Variants in HRH1 observed in about 807,000 individuals in gnomAD.
HRH1 encodes the protein histamine H1 receptor.
A neutral mutation model predicts 10.3 loss-of-function variants in HRH1; 6 were observed. The ratio of observed to expected loss-of-function variants is 0.58; its 90% confidence interval spans 0.32 to 1.15. The LOEUF (loss-of-function observed/expected upper bound fraction) is 1.15. Ranked by LOEUF, HRH1 falls within the 50% of genes most tolerant of loss-of-function variation. HRH1 has a pLI of 0.05. For synonymous variants in HRH1, 242 were observed against 236.7 expected (o/e 1.02, Z -0.21); for missense variants, 514 against 615.3 (o/e 0.84, Z 1.74).
upstream of HRH1, among the ~76,000 whole-genome samples, chr3:11,152,667 A>G (rs1410429736): frequency 3.0e-5 from 3 of 100,288 alleles, no homozygotes; most frequent in African/African-American, 1.1e-4. Context: ...CTTAAGCCCC[A>G]CAGCTATAGA....
chr3:11,238,697 C>A (rs2133432), intron 1 of HRH1, among the ~76,000 whole-genome samples: 2,583 of 152,290 alleles, frequency 0.017, 35 homozygotes, highest in Middle Eastern at 0.051. Flanking sequence ...CCTGTCCCCC[C>A]CTCCACTACC....
intron 1 of HRH1, among the ~76,000 whole-genome samples, chr3:11,173,234 G>T (rs1038915803): frequency 1.3e-5 from 2 of 152,082 alleles, no homozygotes; most frequent in Non-Finnish European, 2.9e-5. Flanking sequence ...TTTTTCTTGG[G>T]TTGATTCATT....
intron 1 of HRH1, chr3:11,234,570 G>C: frequency 6.9e-7 from 1 of 1,443,774 alleles, no homozygotes; most frequent in Non-Finnish European, 9.8e-7. Flanking sequence ...CATGCTCCTC[G>C]TATGGATCGT....
intron 1 of HRH1, among the ~76,000 whole-genome samples, chr3:11,167,829 GC>G (rs1429149733): frequency 6.6e-6 from 1 of 152,234 alleles, no homozygotes; most frequent in African/African-American, 2.4e-5. Context: ...GAGGCTTGGG[GC>G]CTGCCAGGCC....
intron 1 of HRH1, among the ~76,000 whole-genome samples, chr3:11,176,502 G>T (rs1196969645): frequency 2.0e-5 from 3 of 152,132 alleles, no homozygotes; most frequent in East Asian, 3.9e-4. Flanking sequence ...TTGTGAAGCA[G>T]CTGGGTACCA....
At chr3:11,219,542 G>A (rs1354421547) in intron 1 of HRH1, among the ~76,000 whole-genome samples, 2 of 151,780 alleles carry the variant, frequency 1.3e-5, no homozygotes, top group African/African-American at 2.4e-5. Context: ...TGAAACCCCC[G>A]TCTCTACTAA....
At chr3:11,250,660 C>A (rs1024856128) in intron 1 of HRH1, among the ~76,000 whole-genome samples, 2 of 152,142 alleles carry the variant, frequency 1.3e-5, no homozygotes, top group Non-Finnish European at 2.9e-5. Flanking sequence ...AGAAACTGAT[C>A]TTTTGTTTCG....
At chr3:11,203,918 A>G (rs1252437477) in intron 1 of HRH1, among the ~76,000 whole-genome samples, 4 of 152,230 alleles carry the variant, frequency 2.6e-5, no homozygotes, top group Non-Finnish European at 5.9e-5. Flanking sequence ...CATTAAATCT[A>G]TAAATCAAGT....
intron 1 of HRH1, among the ~76,000 whole-genome samples, chr3:11,199,999 C>A (rs1160943662): frequency 6.6e-6 from 1 of 152,144 alleles, no homozygotes; most frequent in African/African-American, 2.4e-5. Flanking sequence ...GTGGACATGA[C>A]ACATGTGGGA....
chr3:11,185,631 C>T (rs887075471), intron 1 of HRH1, among the ~76,000 whole-genome samples: 5 of 152,178 alleles, frequency 3.3e-5, no homozygotes, highest in African/African-American at 1.2e-4. Flanking sequence ...TGAGTTGTAA[C>T]TTTGCCACTT....
chr3:11,167,873 G>A (rs905592981), intron 1 of HRH1, among the ~76,000 whole-genome samples: 2 of 152,240 alleles, frequency 1.3e-5, no homozygotes, highest in African/African-American at 4.8e-5. Context: ...TTTTTCAACA[G>A]TTAATATTTT....
chr3:11,172,704 C>CTTTTTTTTTTTTTTTTT (rs537415650), intron 1 of HRH1, among the ~76,000 whole-genome samples: 1 of 130,894 alleles, frequency 7.6e-6, no homozygotes. Flanking sequence ...TTTGGCGAAT[C>CTTTTTTTTTTTTTTTTT]TTTTTTTTTT....
intron 1 of HRH1, among the ~76,000 whole-genome samples, chr3:11,177,644 A>G (rs1937272322): frequency 6.6e-6 from 1 of 152,114 alleles, no homozygotes; most frequent in East Asian, 1.9e-4. Context: ...GAGAGCAGAG[A>G]CTTTGTCCAA....
intron 1 of HRH1, among the ~76,000 whole-genome samples, chr3:11,206,474 A>G (rs1938132665): frequency 6.6e-6 from 1 of 152,234 alleles, no homozygotes; most frequent in African/African-American, 2.4e-5. Context: ...TCCTCCCAGC[A>G]CTTGACTCCA....
rs530794650 is a variant in HRH1, at chr3:11,188,986, G to A, written c.-36+34432G>A. Among the ~76,000 whole-genome samples the A allele has an allele frequency of 5.3e-4, 80 of 152,302 alleles. 2 individuals carry two copies. The South Asian group carries it at 0.016, about 30-fold the overall frequency. The stretch of plus-strand genomic sequence containing the variant: ...TTCCTGTTCCTTCATGCATAAGTTT[G>A]CCAAATATGAAATAATGCATACCTA... On this transcript the variant is annotated intron_variant, in intron 1 of 1. Transcript: ENST00000431010.
intron 1 of HRH1, among the ~76,000 whole-genome samples, chr3:11,144,000 A>G (rs930731193): frequency 6.6e-6 from 1 of 152,204 alleles, no homozygotes; most frequent in African/African-American, 2.4e-5. Flanking sequence ...CTATAATGAG[A>G]TGTCATCTTA....
chr3:11,233,795 G>T (rs6773307), intron 1 of HRH1, among the ~76,000 whole-genome samples: 26,106 of 152,140 alleles, frequency 0.17, 2,765 homozygotes, highest in South Asian at 0.32. Flanking sequence ...TGACCATCTG[G>T]CCTCTGCTAG....
chr3:11,168,595 C>T (rs1937092656), intron 1 of HRH1, among the ~76,000 whole-genome samples: 1 of 152,262 alleles, frequency 6.6e-6, no homozygotes, highest in Admixed American at 6.5e-5. Flanking sequence ...CACAATGCCA[C>T]AGTTGGTTGC....
chr3:11,155,969 A>G (rs932784084), intron 1 of HRH1, among the ~76,000 whole-genome samples: 26 of 152,216 alleles, frequency 1.7e-4, no homozygotes, highest in African/African-American at 6.0e-4. Context: ...CAGCTGGTCC[A>G]TGACAGAATT....
Sources: gnomAD v4.1 joint callset for allele counts (sites outside exome capture counted in the v4.1 genomes callset) on GRCh38, gnomAD v4.1.1 for gene constraint, MANE v1.5 for transcripts, NCBI Gene and HGNC (gene_info 2026-07-23, HGNC 2026-07-21) for gene names.